Variants in CDH23 observed in about 807,000 individuals in gnomAD.
CDH23 encodes the protein cadherin-23.
CDH23 carries 189 observed loss-of-function variants against 317.1 expected under a neutral mutation model. The observed-to-expected ratio is 0.60, with a 90% CI of 0.53 to 0.67. The LOEUF (loss-of-function observed/expected upper bound fraction) is 0.67. Among genes scored for constraint, CDH23 ranks in the 30% least tolerant of loss-of-function variants. CDH23 has a pLI of 0.00. For synonymous variants in CDH23, 1,839 were observed against 1,876.8 expected, an observed-to-expected ratio of 0.98 and a Z score of 0.52; for missense variants, 4,401 against 4,592.4, an observed-to-expected ratio of 0.96 and a Z score of 1.20.
intron 3 of CDH23, among the ~76,000 whole-genome samples, chr10:71,456,436 C>G (rs1850700994): frequency 7.0e-6 from 1 of 142,522 alleles, no homozygotes; most frequent in African/African-American, 3.1e-5. Flanking sequence ...CTTGGGGGTC[C>G]TTTGGGCTGT....
At chr10:71,491,038 G>A (rs990625582) in intron 3 of CDH23, among the ~76,000 whole-genome samples, 1 of 152,098 alleles carries the variant, frequency 6.6e-6, no homozygotes, top group Non-Finnish European at 1.5e-5. Flanking sequence ...TAAAAAGAGG[G>A]GCTGTAACCA....
intron 9 of CDH23, among the ~76,000 whole-genome samples, chr10:71,615,095 A>G (rs1398449289): frequency 6.6e-6 from 1 of 152,224 alleles, no homozygotes; most frequent in Non-Finnish European, 1.5e-5. Flanking sequence ...AATAAGCACA[A>G]GAGAAACAAA....
chr10:71,573,722 C>T (rs1258547570), intron 8 of CDH23, among the ~76,000 whole-genome samples: 1 of 152,246 alleles, frequency 6.6e-6, no homozygotes, highest in Non-Finnish European at 1.5e-5. Flanking sequence ...CTGGGTGGTG[C>T]AGGTTTCAGC....
chr10:71,643,934 G>A (rs1564705685), intron 12 of CDH23, 68 bp downstream of exon 12: 3 of 763,168 alleles, frequency 3.9e-6, no homozygotes, highest in Non-Finnish European at 7.2e-6. Flanking sequence ...GTGGGGAGGG[G>A]CTTTGAAAAG....
chr10:71,790,471 A>C (rs1841217427), intron 46 of CDH23, 58 bp downstream of exon 46: 1 of 1,589,476 alleles, frequency 6.3e-7, no homozygotes, highest in Non-Finnish European at 8.5e-7. Context: ...GGATGGCCAC[A>C]CTGCTGGATT....
At chr10:71,681,027 A>T (rs1321756876) in intron 17 of CDH23, among the ~76,000 whole-genome samples, 7 of 151,088 alleles carry the variant, frequency 4.6e-5, no homozygotes, top group Admixed American at 4.6e-4. Flanking sequence ...GGGTTTTGCT[A>T]ATGTTGGCCA....
In CDH23 at chr10:71,729,648, TAA is replaced by T. The variant is rs1324316922; in HGVS notation, c.3580-819_3580-818del. 1.5e-4 allele frequency among the ~76,000 whole-genome samples: 23 copies of T among 152,178 alleles called. 1 individual carries two copies. The highest frequency in any genetic ancestry group is 1.5e-3 in the Admixed American group (23 of 15,290). On this transcript the variant is annotated intron_variant, in intron 30 of 69. Coordinates refer to ENST00000224721, the MANE Select transcript of CDH23 (RefSeq NM_022124.6). Reference sequence around the variant, plus strand: ...AGCTGGCCGTGAGAAGGTGCACAAGTAAAGAGTACTGAGCACTGACATTCTCT... The same window carrying T: ...AGCTGGCCGTGAGAAGGTGCACAAGTAGAGTACTGAGCACTGACATTCTCT...
At chr10:71,742,054 T>G in intron 38 of CDH23, 133 bp downstream of exon 38, 1 of 776,000 alleles carries the variant, frequency 1.3e-6, no homozygotes, top group Non-Finnish European at 2.0e-6. Context: ...TTAGTCCATC[T>G]GCCTTTAGTC....
chr10:71,496,024 C>T (rs1852944804), intron 3 of CDH23, among the ~76,000 whole-genome samples: 1 of 152,154 alleles, frequency 6.6e-6, no homozygotes, highest in Non-Finnish European at 1.5e-5. Context: ...TTTAATAGCT[C>T]TCTTGGTAGT....
chr10:71,604,453 C>T (rs998441120), intron 9 of CDH23, among the ~76,000 whole-genome samples: 5 of 152,182 alleles, frequency 3.3e-5, no homozygotes, highest in Non-Finnish European at 7.3e-5. Flanking sequence ...TGCCCCTTTT[C>T]TCTCTGCCAT....
At chr10:71,757,846 GGAA>G (rs1179557646) in intron 38 of CDH23, among the ~76,000 whole-genome samples, 1 of 152,172 alleles carries the variant, frequency 6.6e-6, no homozygotes, top group Non-Finnish European at 1.5e-5. Flanking sequence ...CTGGGGGGTG[GGAA>G]GAAGTTCAAA....
chr10:71,773,803 G>A (rs1840749834), intron 38 of CDH23, among the ~76,000 whole-genome samples: 1 of 152,168 alleles, frequency 6.6e-6, no homozygotes, highest in Admixed American at 6.5e-5. Context: ...ACCTCTAACA[G>A]CGTGATAGAC....
chr10:71,562,146 G>A (rs1279155465), intron 6 of CDH23, among the ~76,000 whole-genome samples: 1 of 124,698 alleles, frequency 8.0e-6, no homozygotes, highest in African/African-American at 3.1e-5. Flanking sequence ...CAGACGCCCC[G>A]AACCCCACCC....
At chr10:71,711,191 G>T (rs1384280687) in intron 27 of CDH23, among the ~76,000 whole-genome samples, 2 of 152,090 alleles carry the variant, frequency 1.3e-5, no homozygotes, top group Admixed American at 1.3e-4. Flanking sequence ...CCTCACTTTG[G>T]GCATTGCCTG....
At chr10:71,576,501 G>C (rs1483189616) in intron 8 of CDH23, among the ~76,000 whole-genome samples, 2 of 152,172 alleles carry the variant, frequency 1.3e-5, no homozygotes, top group East Asian at 1.9e-4. Flanking sequence ...ACAGGTGAAG[G>C]GGGTGGGGGT....
chr10:71,510,653 A>G (rs1853916785), intron 4 of CDH23, among the ~76,000 whole-genome samples: 1 of 152,152 alleles, frequency 6.6e-6, no homozygotes, highest in Admixed American at 6.5e-5. Context: ...TTGAGGAAGG[A>G]ACCATAGAGG....
chr10:71,742,189 G>A (rs1322294476), intron 38 of CDH23, among the ~76,000 whole-genome samples: 1 of 152,198 alleles, frequency 6.6e-6, no homozygotes, highest in Admixed American at 6.5e-5. Flanking sequence ...TCACAGAGCA[G>A]CTCTATGGGG....
intron 24 of CDH23, among the ~76,000 whole-genome samples, chr10:71,704,599 A>G (rs904283478): frequency 2.0e-5 from 3 of 152,146 alleles, no homozygotes; most frequent in Admixed American, 2.0e-4. Context: ...GGGCTTCCTA[A>G]TGGGGAGAGC....
intron 6 of CDH23, among the ~76,000 whole-genome samples, chr10:71,560,679 G>A (rs1421500178): frequency 2.0e-5 from 3 of 152,036 alleles, no homozygotes; most frequent in Non-Finnish European, 2.9e-5. Context: ...GAGGATGGGA[G>A]GGCAGAATCC....
Sources: allele counts gnomAD v4.1 joint callset (sites outside exome capture counted in the v4.1 genomes callset), GRCh38; gene constraint gnomAD v4.1.1; transcripts MANE v1.5; gene names NCBI Gene and HGNC (gene_info 2026-07-23, HGNC 2026-07-21).